HTRA3: variants seen among roughly 807,000 people sequenced by gnomAD.
The protein encoded by HTRA3 is HtrA serine peptidase 3.
HTRA3 carries 41 observed loss-of-function variants against 43.2 expected under a neutral mutation model. The observed-to-expected ratio is 0.95, with a 90% CI of 0.74 to 1.23. The LOEUF is 1.23. Among genes scored for constraint, HTRA3 ranks in the 50% most tolerant of loss-of-function variants. The pLI, the probability that HTRA3 is intolerant of heterozygous loss-of-function variation, is 0.00. For synonymous variants in HTRA3, 295 were observed against 287.9 expected, an observed-to-expected ratio of 1.02 and a Z score of -0.25; for missense variants, 628 against 647.1, an observed-to-expected ratio of 0.97 and a Z score of 0.32.
At position 8,296,519 on chromosome 4, in the gene HTRA3, A is replaced by T; in HGVS notation, c.1051+2318A>T. ...TTTGAAATGAACCATCTTTTTATTA[A>T]ATCAAGGAGATGTTAAGTGCATTTA... On this transcript the variant is annotated intron_variant, in intron 6 of 8. Transcript: ENST00000307358. This position sits in a 1 kb window ranked among gnomAD's most constrained non-coding sequence, Gnocchi z 5.3. 1 of 985,252 alleles carries T rather than the reference A, an allele frequency of 1.0e-6. No homozygotes were observed. Among genetic ancestry groups the T allele is most frequent in the East Asian group, 1.1e-4 (1 of 8,810 alleles). 61.0% of individuals were successfully genotyped at this position (985,252 alleles called of 1,614,324 possible).
In HTRA3 at chr4:8,286,583, G is replaced by A. The variant is rs148280278; in HGVS notation, c.508G>A (p.Val170Met). 211 of 1,613,982 alleles carry A rather than the reference G, an allele frequency of 1.3e-4. No individual in the cohort carries two copies. Among genetic ancestry groups the A allele is most frequent in the African/African-American group, 7.3e-4 (55 of 75,004 alleles). ...FLRHPLFGRNVPLSSGSGFIM... is the reference protein window; with the variant it reads ...FLRHPLFGRNMPLSSGSGFIM... ...CAGACACCCGCTGTTTGGCCGCAAC[G>A]TGCCCCTGTCCAGCGGTTCTGGCTT... is the stretch of plus-strand genomic sequence containing the variant. Residue 170 changes from valine to methionine, a missense_variant, in exon 3 of 9, where the codon GTG (valine) becomes ATG (methionine). Physicochemically the swap from Val to Met is conservative, Grantham distance 21 (BLOSUM62 1). Transcript: ENST00000307358. This position sits in a 1 kb window ranked among gnomAD's most constrained non-coding sequence, Gnocchi z 4.9.
At position 8,286,480 on chromosome 4, in the gene HTRA3, C is replaced by A; in HGVS notation, c.486-81C>A. 5 of 1,141,134 alleles carry A rather than the reference C, an allele frequency of 4.4e-6. No individual in the cohort carries two copies. The highest frequency in any genetic ancestry group is 6.5e-6 in the Non-Finnish European group (5 of 764,822). The allele number at this position is 1,141,134 out of a possible 1,614,324, so 70.7% of individuals were successfully genotyped here. On this transcript the variant is annotated intron_variant, in intron 2 of 8. Transcript: ENST00000307358. The surrounding 1 kb of genome is among the most constrained non-coding windows in gnomAD (Gnocchi z 4.9). ...AGCCACACACTGGCTCTGCTCCTCGCTGACCAGCCCCACCACTGCGCCTGA... is the reference window on the plus strand; with the variant it reads ...AGCCACACACTGGCTCTGCTCCTCGATGACCAGCCCCACCACTGCGCCTGA...
At chr4:8,276,638 TA>T (rs1349317769) in intron 1 of HTRA3, among the ~76,000 whole-genome samples, 1 of 152,192 alleles carries the variant, frequency 6.6e-6, no homozygotes, top group Admixed American at 6.5e-5. Context: ...GCCTTCTTGG[TA>T]AATCACAGGC....
At chr4:8,298,501 T>C (rs550547596) in intron 6 of HTRA3, among the ~76,000 whole-genome samples, 3 of 144,984 alleles carry the variant, frequency 2.1e-5, no homozygotes, top group Non-Finnish European at 4.5e-5. Context: ...AGAAGTTTTG[T>C]AAATTTTGAT....
intron 6 of HTRA3, among the ~76,000 whole-genome samples, chr4:8,299,987 C>G: frequency 6.6e-6 from 1 of 151,876 alleles, no homozygotes; most frequent in East Asian, 1.9e-4. Context: ...TTATAGGTGC[C>G]CACGATCATG....
intron 2 of HTRA3, among the ~76,000 whole-genome samples, chr4:8,283,267 G>A (rs978910376): frequency 5.9e-5 from 9 of 152,200 alleles, no homozygotes; most frequent in South Asian, 4.1e-4. Context: ...TCCCAGCCCC[G>A]TAGAGGAAGT....
chr4:8,304,643 GTTTTTTTTTT>G (rs140790982), intron 8 of HTRA3, among the ~76,000 whole-genome samples: 7 of 62,734 alleles, frequency 1.1e-4, no homozygotes, highest in South Asian at 8.8e-4. Flanking sequence ...TCAGCCTATT[GTTTTTTTTTT>G]TTTTTTTTTT....
chr4:8,290,818 C>A lies in HTRA3; in HGVS notation c.709-552C>A, dbSNP rs536552510. 4.6e-5 allele frequency among the ~76,000 whole-genome samples: 7 copies of A among 152,256 alleles called. No homozygotes were observed. The East Asian group carries it at 1.2e-3, about 25-fold the overall frequency. On this transcript the variant is annotated intron_variant, in intron 3 of 8. Transcript: ENST00000307358. The stretch of plus-strand genomic sequence containing the variant: ...AGGGGTGTGCAGGTGTCTCAGTGTG[C>A]GCGGCGTGGGGTGGAGCTCGGCTAG...
Position 8,306,138 on chromosome 4 carries a change from G to A in HTRA3, c.*2G>A, listed in dbSNP as rs1294412383. ...ATCGCACCTGAGGTGGTCATGTGAG[G>A]GGCGCATTCCTCCAGCGCCAAGCGT... On this transcript the variant is annotated 3_prime_UTR_variant, in exon 9 of 9. Transcript: ENST00000307358. This position sits in a 1 kb window ranked among gnomAD's most constrained non-coding sequence, Gnocchi z 8.9. 6 of 1,568,962 alleles carry A rather than the reference G, an allele frequency of 3.8e-6. No homozygotes were observed. The highest frequency in any genetic ancestry group is 5.2e-6 in the Non-Finnish European group (6 of 1,152,578).
chr4:8,300,132 G>A (rs939175727), intron 6 of HTRA3, among the ~76,000 whole-genome samples: 2 of 152,202 alleles, frequency 1.3e-5, no homozygotes, highest in African/African-American at 4.8e-5. Flanking sequence ...GAGCCACTAT[G>A]CCCGGCTGTA....
chr4:8,270,584 C>T (rs1007529949), intron 1 of HTRA3, among the ~76,000 whole-genome samples: 12 of 152,222 alleles, frequency 7.9e-5, no homozygotes, highest in African/African-American at 2.9e-4. Context: ...CCGGTGGTCT[C>T]CTGGCCACCC....
intron 1 of HTRA3, among the ~76,000 whole-genome samples, chr4:8,271,616 T>C (rs920603190): frequency 6.6e-6 from 1 of 152,212 alleles, no homozygotes; most frequent in Admixed American, 6.5e-5. Flanking sequence ...CTCGCAGCTC[T>C]GGAGGCTGGA....
rs1560144611 is a variant in HTRA3 at position 8,304,643 on chromosome 4, G to GTTTTTTGTGTTTT, written c.1196+370_1196+371insGTGTTTTTTTTTT. On this transcript the variant is annotated intron_variant, in intron 8 of 8. Coordinates refer to ENST00000307358, the MANE Select transcript of HTRA3 (RefSeq NM_053044.5). ...TAAAGTGGAGATAATTCAGCCTATT[G>GTTTTTTGTGTTTT]TTTTTTTTTTTTTTTTTTTTTTTTT... is the stretch of plus-strand genomic sequence containing the variant. 2.6e-4 allele frequency among the ~76,000 whole-genome samples: 16 copies of GTTTTTTGTGTTTT among 62,736 alleles called. 6 individuals are homozygous for GTTTTTTGTGTTTT. The highest frequency in any genetic ancestry group is 2.0e-4 in the Non-Finnish European group (7 of 35,628). The allele number at this position is 62,736 out of a possible 152,430, so 41.2% of individuals were successfully genotyped here. A position where few individuals can be genotyped will look rare whatever the true frequency, so the allele number is the denominator to read the frequency against.
At chr4:8,271,380 A>G (rs1712269268) in intron 1 of HTRA3, among the ~76,000 whole-genome samples, 1 of 152,202 alleles carries the variant, frequency 6.6e-6, no homozygotes, top group Admixed American at 6.5e-5. Context: ...GATGAAACCC[A>G]GGGCTTCCCC....
intron 6 of HTRA3, among the ~76,000 whole-genome samples, chr4:8,300,601 A>G (rs1279004051): frequency 6.6e-6 from 1 of 152,184 alleles, no homozygotes; most frequent in South Asian, 2.1e-4. Context: ...TGTGATGTTG[A>G]TAACTGTGTC....
intron 5 of HTRA3, among the ~76,000 whole-genome samples, chr4:8,293,780 G>A (rs1015681069): frequency 3.3e-5 from 5 of 152,132 alleles, no homozygotes; most frequent in Admixed American, 2.0e-4. Flanking sequence ...ATGGCTTGGC[G>A]GTGTCCTTGG....
chr4:8,272,579 C>A (rs1237333796), intron 1 of HTRA3, among the ~76,000 whole-genome samples: 1 of 152,240 alleles, frequency 6.6e-6, no homozygotes, highest in Non-Finnish European at 1.5e-5. Context: ...TGATGGGCAA[C>A]CCCCAGACCA....
rs1478378971 is a variant in HTRA3 at position 8,286,479 on chromosome 4, G to A, written c.486-82G>A. 22 of 1,125,380 alleles carry A rather than the reference G, an allele frequency of 2.0e-5. No homozygotes were observed. Among genetic ancestry groups the A allele is most frequent in the East Asian group, 4.7e-5 (2 of 42,532 alleles). 69.7% of individuals were successfully genotyped at this position (1,125,380 alleles called of 1,614,324 possible). On this transcript the variant is annotated intron_variant, in intron 2 of 8. Coordinates refer to ENST00000307358, the MANE Select transcript of HTRA3 (RefSeq NM_053044.5). The surrounding 1 kb of genome is among the most constrained non-coding windows in gnomAD (Gnocchi z 4.9). ...CAGCCACACACTGGCTCTGCTCCTC[G>A]CTGACCAGCCCCACCACTGCGCCTG...
In HTRA3 at chr4:8,280,608, G is replaced by A. The variant is rs561105825; in HGVS notation, c.386-1829G>A. Among the ~76,000 whole-genome samples the A allele has an allele frequency of 2.6e-5, 4 of 152,322 alleles. No homozygotes were observed. In the South Asian group the frequency reaches 6.2e-4, roughly 24 times the overall value. On this transcript the variant is annotated intron_variant, in intron 1 of 8. Coordinates refer to ENST00000307358, the MANE Select transcript of HTRA3 (RefSeq NM_053044.5). ...GCAGGGCAGCGCATCCCTCATGGAA[G>A]CAAACGTGGGCAGAGAGAGCCCTGG...
Sources: gnomAD v4.1 joint callset for allele counts (sites outside exome capture counted in the v4.1 genomes callset) on GRCh38, gnomAD v4.1.1 for gene constraint, Gnocchi (gnomAD v3.1) non-coding constraint, MANE v1.5 for transcripts, NCBI Gene and HGNC (gene_info 2026-07-23, HGNC 2026-07-21) for gene names.